The following NCOR2 variants were observed in gnomAD, a reference collection of about 807,000 sequenced individuals.
NCOR2 encodes the protein CTG repeat protein 26.
In NCOR2, 81 loss-of-function variants were observed where a neutral mutation model predicts 262.9. That is an observed-to-expected ratio of 0.31 (90% CI 0.26 to 0.37). The LOEUF (loss-of-function observed/expected upper bound fraction) is 0.37, where lower values mean the gene tolerates loss of function less well. Ranked by LOEUF, NCOR2 falls within the 10% of genes least tolerant of loss-of-function variation. The probability of loss-of-function intolerance (pLI) is 1.00; values close to 1 mark genes in which losing one functional copy is unlikely to be tolerated. For synonymous variants in NCOR2, 1,659 were observed against 1,559.3 expected, an observed-to-expected ratio of 1.06 and a Z score of -1.51; for missense variants, 3,385 against 3,621.4, an observed-to-expected ratio of 0.93 and a Z score of 1.68.
chr12:124,468,906 A>C (rs1253325432), intron 4 of NCOR2, among the ~76,000 whole-genome samples: 2 of 11,482 alleles, frequency 1.7e-4, no homozygotes, highest in Non-Finnish European at 3.1e-4. Context: ...CATCCTCATC[A>C]CCCCATCATC....
At chr12:124,357,853 T>C (rs1171386598) in intron 22 of NCOR2, among the ~76,000 whole-genome samples, 2 of 146,344 alleles carry the variant, frequency 1.4e-5, no homozygotes, top group Non-Finnish European at 3.0e-5. Flanking sequence ...TGTGAGTGCA[T>C]GGATGTGTGT....
At chr12:124,325,377 G>GCCCCCGCCC in exon 47 of NCOR2, 1 of 246,788 alleles carries the variant, frequency 4.1e-6, no homozygotes, top group Non-Finnish European at 6.6e-6. Context: ...ACCTGACACC[G>GCCCCCGCCC]CCCCCCCCCC....
intron 1 of NCOR2, among the ~76,000 whole-genome samples, chr12:124,519,956 A>G (rs966572848): frequency 1.3e-5 from 2 of 152,220 alleles, no homozygotes; most frequent in Non-Finnish European, 2.9e-5. Context: ...TGTCTCCGCT[A>G]TCCACGTGGT....
intron 7 of NCOR2, 61 bp downstream of exon 9, chr12:124,449,754 C>T: frequency 6.4e-7 from 1 of 1,572,882 alleles, no homozygotes; most frequent in Admixed American, 1.7e-5. Context: ...ATGCAGGCTG[C>T]TGAGAGCCTG....
chr12:124,418,800 C>T lies in NCOR2; in HGVS notation c.1482+1157G>A, dbSNP rs570531873. ...CTCAGAGGGACCTAGAAAAGCTGGTCCCTCCAGTCCCTTTGAGGCATGCCA... is the reference window on the plus strand; with the variant it reads ...CTCAGAGGGACCTAGAAAAGCTGGTTCCTCCAGTCCCTTTGAGGCATGCCA... On this transcript the variant is annotated intron_variant, in intron 13 of 46. Transcript: ENST00000405201. Among the ~76,000 whole-genome samples the T allele has an allele frequency of 2.0e-5, 3 of 152,328 alleles. No homozygotes were observed. In the East Asian group the frequency reaches 5.8e-4, roughly 29 times the overall value.
In NCOR2 at chr12:124,340,342, TG is replaced by T. The variant is rs2036356931; in HGVS notation, c.5439del (p.Ile1814SerfsTer67). On this transcript the variant is annotated frameshift_variant, in exon 36 of 47. Coordinates refer to ENST00000405201, the Ensembl canonical transcript of NCOR2. LOFTEE classifies it high-confidence loss of function. ...TCCACCGTCGTGGTGGACGTGAGGA[TG>T]GACTTTTCCCGCTCCCGATCCCGGT... is the stretch of plus-strand genomic sequence containing the variant. The T allele has an allele frequency of 6.2e-7, 1 of 1,612,774 alleles. No homozygotes were observed. The highest frequency in any genetic ancestry group is 8.5e-7 in the Non-Finnish European group (1 of 1,179,966).
At chr12:124,351,854 A>G (rs2037500376) in intron 27 of NCOR2, among the ~76,000 whole-genome samples, 1 of 152,152 alleles carries the variant, frequency 6.6e-6, no homozygotes, top group Admixed American at 6.5e-5. Context: ...GGGTTCCAGG[A>G]GCAGATTCAA....
intron 1 of NCOR2, among the ~76,000 whole-genome samples, chr12:124,507,147 C>A (rs1397764273): frequency 2.6e-5 from 4 of 152,162 alleles, no homozygotes; most frequent in Non-Finnish European, 1.5e-5. Flanking sequence ...GCCAGAGTCA[C>A]TGAATTCATA....
At chr12:124,415,610 C>T (rs1397971002) in intron 13 of NCOR2, among the ~76,000 whole-genome samples, 1 of 152,360 alleles carries the variant, frequency 6.6e-6, no homozygotes, top group South Asian at 2.1e-4. Flanking sequence ...ACCTCCTGCC[C>T]GGCTTGCTTT....
chr12:124,557,712 G>A (rs1377921610), intron 1 of NCOR2, among the ~76,000 whole-genome samples: 2 of 152,192 alleles, frequency 1.3e-5, no homozygotes, highest in Admixed American at 6.5e-5. Context: ...CCAGGAGGGT[G>A]GCAGATGGCG....
rs373075188 is a variant in NCOR2 at position 124,473,340 on chromosome 12, C to T, written c.412-209G>A. Among the ~76,000 whole-genome samples, 7 of 152,300 alleles carry T rather than the reference C, an allele frequency of 4.6e-5. No individual in the cohort carries two copies. The East Asian group carries it at 9.6e-4, about 21-fold the overall frequency. ...GACCCACCCTTAATCTGTGTAGGCA[C>T]CATCTAATCAGCTGCCAGCGAATAT... On this transcript the variant is annotated intron_variant, in intron 3 of 46. Transcript: ENST00000405201.
chr12:124,429,657 C>T (rs1210754520), exon 10 of NCOR2: 3 of 1,609,572 alleles, frequency 1.9e-6, no homozygotes, highest in Non-Finnish European at 1.7e-6. Flanking sequence ...ACCTCGTGCT[C>T]GCTGCGGGCG....
intron 28 of NCOR2, among the ~76,000 whole-genome samples, chr12:124,349,740 G>A (rs1367937028): frequency 6.6e-6 from 1 of 152,172 alleles, no homozygotes; most frequent in African/African-American, 2.4e-5. Context: ...GGGTCCCAAG[G>A]TGGGACTCTA....
intron 10 of NCOR2, among the ~76,000 whole-genome samples, chr12:124,428,087 G>GTGTGTGTGTA (rs1382558223): frequency 2.1e-5 from 3 of 145,278 alleles, no homozygotes; most frequent in African/African-American, 5.2e-5. Context: ...GTGTGTGTGT[G>GTGTGTGTGTA]TACATGCAAC....
chr12:124,421,960 G>T (rs1477667389), intron 12 of NCOR2, among the ~76,000 whole-genome samples: 1 of 152,252 alleles, frequency 6.6e-6, no homozygotes, highest in East Asian at 1.9e-4. Context: ...CCACACAAAG[G>T]TTTGTCCAAA....
exon 22 of NCOR2, chr12:124,362,269 C>T (rs762362538): frequency 3.0e-6 from 4 of 1,313,440 alleles, no homozygotes; most frequent in South Asian, 2.9e-5. Flanking sequence ...TGCGTCCTCC[C>T]GGGGGGGCTC....
chr12:124,422,947 G>T (rs536413132), intron 11 of NCOR2, among the ~76,000 whole-genome samples: 3 of 152,278 alleles, frequency 2.0e-5, no homozygotes, highest in African/African-American at 7.2e-5. Flanking sequence ...CCCACACAGG[G>T]TCTGCTTGGG....
chr12:124,346,227 G>A (rs914610710), intron 31 of NCOR2, among the ~76,000 whole-genome samples: 4 of 152,308 alleles, frequency 2.6e-5, no homozygotes, highest in East Asian at 1.9e-4. Flanking sequence ...TCCTCAGGCC[G>A]CACCTGGACC....
chr12:124,437,882 C>T, intron 8 of NCOR2, 48 bp downstream of exon 10: 1 of 1,568,410 alleles, frequency 6.4e-7, no homozygotes. Context: ...GCGCTCGATT[C>T]TCCCCAGATC....
Sources: allele counts gnomAD v4.1 joint callset (sites outside exome capture counted in the v4.1 genomes callset), GRCh38; gene constraint gnomAD v4.1.1; transcripts MANE v1.5; gene names NCBI Gene and HGNC (gene_info 2026-07-23, HGNC 2026-07-21).